Variants in MKRN2 observed in about 807,000 individuals in gnomAD.
The protein encoded by MKRN2 is makorin ring finger protein 2.
A neutral mutation model predicts 45.4 loss-of-function variants in MKRN2; 32 were observed. That is an observed-to-expected ratio of 0.70 (90% CI 0.53 to 0.95). The LOEUF (loss-of-function observed/expected upper bound fraction) is 0.95, where lower values mean the gene tolerates loss of function less well. Among genes scored for constraint, MKRN2 ranks in the 40% least tolerant of loss-of-function variants. MKRN2 has a pLI of 0.00. For missense variants in MKRN2, 526 were observed against 536.7 expected, an observed-to-expected ratio of 0.98 and a Z score of 0.20; for synonymous variants, 206 against 192.4, an observed-to-expected ratio of 1.07 and a Z score of -0.59.
chr3:12,576,933 G>T (rs371387576), intron 6 of MKRN2, 192 bp downstream of exon 6: 53 of 55,974 alleles, frequency 9.5e-4, no homozygotes, highest in South Asian at 3.6e-3. Context: ...TAGTTTTGGT[G>T]TTTTTTTTTT....
At chr3:12,558,209 A>G (rs1170382027) in intron 1 of MKRN2, among the ~76,000 whole-genome samples, 2 of 152,200 alleles carry the variant, frequency 1.3e-5, no homozygotes, top group Non-Finnish European at 2.9e-5. Context: ...TTCTGTTAGC[A>G]TTAGTGTACA....
intron 1 of MKRN2, among the ~76,000 whole-genome samples, chr3:12,567,510 A>G (rs2058076448): frequency 8.3e-6 from 1 of 120,336 alleles, no homozygotes; most frequent in Admixed American, 9.5e-5. Context: ...TTTTTGAGAC[A>G]GAGTTTTTGC....
At chr3:12,561,249 CA>C (rs1486320290) in intron 1 of MKRN2, among the ~76,000 whole-genome samples, 1 of 152,116 alleles carries the variant, frequency 6.6e-6, no homozygotes, top group Non-Finnish European at 1.5e-5. Flanking sequence ...CTCTGGTTGG[CA>C]GTTAAATATT....
At chr3:12,570,007 G>T in intron 2 of MKRN2, 64 bp from the exon 3 acceptor site, 1 of 1,451,472 alleles carries the variant, frequency 6.9e-7, no homozygotes, top group Non-Finnish European at 9.2e-7. Flanking sequence ...ATTGGCATCT[G>T]GGGAGTGTGG....
intron 1 of MKRN2, among the ~76,000 whole-genome samples, chr3:12,561,262 G>A (rs553146924): frequency 5.3e-5 from 8 of 152,312 alleles, no homozygotes; most frequent in African/African-American, 1.9e-4. Flanking sequence ...TTAAATATTT[G>A]TATTTTAGTG....
At chr3:12,569,715 A>G (rs1431469971) in intron 2 of MKRN2, among the ~76,000 whole-genome samples, 1 of 152,054 alleles carries the variant, frequency 6.6e-6, no homozygotes, top group Non-Finnish European at 1.5e-5. Context: ...CCTTGTCAGC[A>G]TTTTGGGGAC....
rs1242685360 is a variant in MKRN2, at chr3:12,582,902, T to C, written c.*649T>C. 1 of 152,634 alleles carries C rather than the reference T, an allele frequency of 6.6e-6. No homozygotes were observed. The highest frequency in any genetic ancestry group is 1.5e-5 in the Non-Finnish European group (1 of 68,366). The allele number at this position is 152,634 out of a possible 1,614,324, so 9.5% of individuals were successfully genotyped here. On this transcript the variant is annotated 3_prime_UTR_variant, in exon 8 of 8. Transcript: ENST00000170447. The stretch of plus-strand genomic sequence containing the variant: ...AAACAAAGTGGAAGTATAGATCTTC[T>C]TCTCCCTTAGGGAGGCTCTTGAAGG...
intron 4 of MKRN2, among the ~76,000 whole-genome samples, chr3:12,573,369 A>G (rs1270990395): frequency 1.3e-5 from 2 of 151,658 alleles, no homozygotes; most frequent in African/African-American, 4.8e-5. Context: ...CTACAAAAAA[A>G]AAAAAATACA....
Position 12,578,954 on chromosome 3 carries a change from T to TTGTAGAAAAGGGCCCCAGCC in MKRN2, c.968+2226_968+2245dup, listed in dbSNP as rs1289413111. 7.2e-4 allele frequency among the ~76,000 whole-genome samples: 109 copies of TTGTAGAAAAGGGCCCCAGCC among 151,472 alleles called. 3 individuals are homozygous for TTGTAGAAAAGGGCCCCAGCC. The highest frequency in any genetic ancestry group is 2.6e-3 in the African/African-American group (106 of 41,270). ...GCGTGGCAAGCAGAGGGGTCCCAGCTTGTAGAAAAGGGCCCCAGCCTGTAG... is the reference window on the plus strand; with the variant it reads ...GCGTGGCAAGCAGAGGGGTCCCAGCTTGTAGAAAAGGGCCCCAGCCTGTAGAAAAGGGCCCCAGCCTGTAG... On this transcript the variant is annotated intron_variant, in intron 6 of 7. Coordinates refer to ENST00000170447, the MANE Select transcript of MKRN2 (RefSeq NM_014160.5).
intron 1 of MKRN2, among the ~76,000 whole-genome samples, chr3:12,567,071 A>T (rs1183908206): frequency 1.3e-5 from 2 of 152,002 alleles, no homozygotes; most frequent in Non-Finnish European, 2.9e-5. Flanking sequence ...TATAGGTCAC[A>T]TTATTTTCTG....
intron 3 of MKRN2, among the ~76,000 whole-genome samples, chr3:12,571,133 G>T (rs114189914): frequency 5.6e-5 from 7 of 124,600 alleles, no homozygotes; most frequent in Non-Finnish European, 1.0e-4. Context: ...TTTTGTTTTT[G>T]TTTTTTTTTT....
chr3:12,563,253 A>G (rs1271508498), intron 1 of MKRN2, among the ~76,000 whole-genome samples: 2 of 152,180 alleles, frequency 1.3e-5, no homozygotes, highest in African/African-American at 4.8e-5. Flanking sequence ...TGACTTATAT[A>G]CTAGAATATC....
intron 3 of MKRN2, among the ~76,000 whole-genome samples, chr3:12,570,623 C>T (rs1277275978): frequency 5.3e-5 from 8 of 152,010 alleles, no homozygotes; most frequent in Admixed American, 5.2e-4. Flanking sequence ...ACACCTATAA[C>T]CCCAACACTT....
rs137956519 is a variant in MKRN2, at chr3:12,577,977, A to G, written c.968+1236A>G. Among the ~76,000 whole-genome samples the G allele has an allele frequency of 3.2e-3, 494 of 152,220 alleles. 4 individuals carry two copies. Among genetic ancestry groups the G allele is most frequent in the African/African-American group, 0.011 (451 of 41,528 alleles). On this transcript the variant is annotated intron_variant, in intron 6 of 7. Transcript: ENST00000170447. ...CAGGCATGAGCCACTGCGCCTGGCC[A>G]AGTGTTGCTGTTTTTAACAGGCAGG...
chr3:12,582,017 C>G (rs1320130802), intron 7 of MKRN2, 65 bp downstream of exon 7: 47 of 1,609,010 alleles, frequency 2.9e-5, no homozygotes, highest in Non-Finnish European at 3.8e-5. Flanking sequence ...AGGTACCGTT[C>G]CTGGCAGAGA....
chr3:12,579,374 C>G (rs906278093), intron 6 of MKRN2, among the ~76,000 whole-genome samples: 3 of 152,128 alleles, frequency 2.0e-5, no homozygotes, highest in African/African-American at 7.2e-5. Flanking sequence ...GCCATGTTGG[C>G]CAGGCTGGTC....
At position 12,582,517 on chromosome 3, in the gene MKRN2, A is replaced by G; in HGVS notation, c.*264A>G. The G allele has an allele frequency of 2.7e-6, 1 of 373,828 alleles. No homozygotes were observed. Among genetic ancestry groups the G allele is most frequent in the Non-Finnish European group, 4.9e-6 (1 of 205,846 alleles). The allele number at this position is 373,828 out of a possible 1,614,324, so 23.2% of individuals were successfully genotyped here. A position where few individuals can be genotyped will look rare whatever the true frequency, so the allele number is the denominator to read the frequency against. On this transcript the variant is annotated 3_prime_UTR_variant, in exon 8 of 8. Transcript: ENST00000170447. ...TCAAGCCCCTCAGGGGTAACAACTA[A>G]CAAACACCCAAACTGTTTGGATTGA...
At chr3:12,560,924 A>G (rs2058032178) in intron 1 of MKRN2, 2 of 152,364 alleles carry the variant, frequency 1.3e-5, no homozygotes, top group South Asian at 4.1e-4. Flanking sequence ...GGCTTGGAGT[A>G]AGATCAGTAT....
intron 1 of MKRN2, 38 bp downstream of exon 1, chr3:12,557,214 C>T (rs778952966): frequency 8.5e-6 from 13 of 1,529,714 alleles, no homozygotes; most frequent in Non-Finnish European, 1.1e-5. Flanking sequence ...GGCCGCTCCC[C>T]CAGGCCGCAG....
Sources: gnomAD v4.1 joint callset for allele counts (sites outside exome capture counted in the v4.1 genomes callset) on GRCh38, gnomAD v4.1.1 for gene constraint, MANE v1.5 for transcripts, NCBI Gene and HGNC (gene_info 2026-07-23, HGNC 2026-07-21) for gene names.